Variants in ANLN observed in about 807,000 individuals in gnomAD.
ANLN encodes anillin, actin binding protein.
Under a neutral mutation model 135.1 loss-of-function variants are expected in ANLN, and 59 were observed. That is an observed-to-expected ratio of 0.44 (90% CI 0.35 to 0.54). ANLN has a LOEUF of 0.54. Ranked by LOEUF, ANLN falls within the 20% of genes least tolerant of loss-of-function variation. ANLN has a pLI of 0.00. For missense variants in ANLN, 1,182 were observed against 1,340.0 expected, an observed-to-expected ratio of 0.88 and a Z score of 1.84; for synonymous variants, 406 against 456.4, an observed-to-expected ratio of 0.89 and a Z score of 1.41.
intron 1 of ANLN, chr7:36,390,441 G>C (rs925337748): frequency 8.5e-5 from 20 of 236,498 alleles, no homozygotes; most frequent in Non-Finnish European, 1.5e-4. Context: ...GACTCAGTGC[G>C]GCTGCCGCCG....
intron 3 of ANLN, among the ~76,000 whole-genome samples, chr7:36,402,990 G>A (rs1047420607): frequency 1.3e-5 from 2 of 152,142 alleles, no homozygotes; most frequent in African/African-American, 4.8e-5. Flanking sequence ...TGTGGTGCAT[G>A]CCTGTAATCC....
chr7:36,418,467 A>C (rs1333968615), intron 9 of ANLN, among the ~76,000 whole-genome samples: 1 of 152,228 alleles, frequency 6.6e-6, no homozygotes, highest in Non-Finnish European at 1.5e-5. Flanking sequence ...TGAGCTAGGA[A>C]CTGTGGACGA....
intron 22 of ANLN, among the ~76,000 whole-genome samples, chr7:36,446,559 C>G (rs577135668): frequency 1.1e-4 from 17 of 152,280 alleles, no homozygotes; most frequent in African/African-American, 4.1e-4. Context: ...ATGGTAAAAG[C>G]AGGAGCGAGC....
chr7:36,421,149 C>T (rs7782071), intron 12 of ANLN, among the ~76,000 whole-genome samples: 19,134 of 151,662 alleles, frequency 0.13, 1,230 homozygotes, highest in East Asian at 0.17. Context: ...CTGACTGCAA[C>T]CTCTGCCTCC....
chr7:36,431,512 G>A (rs1049798149), intron 20 of ANLN, among the ~76,000 whole-genome samples: 44 of 146,230 alleles, frequency 3.0e-4, no homozygotes, highest in African/African-American at 1.0e-3. Context: ...TTAGATATCT[G>A]TCTATCTATC....
intron 13 of ANLN, among the ~76,000 whole-genome samples, chr7:36,422,393 G>T (rs549674291): frequency 6.6e-6 from 1 of 152,062 alleles, no homozygotes. Flanking sequence ...GGGCATTTTG[G>T]GGTGGACAGA....
intron 21 of ANLN, among the ~76,000 whole-genome samples, chr7:36,442,598 T>A (rs1464615200): frequency 6.6e-6 from 1 of 152,038 alleles, no homozygotes. Context: ...AGTTCCCAGA[T>A]GAATGTTGTT....
At chr7:36,428,403 T>C (rs896591119) in intron 20 of ANLN, 1 of 1,124,560 alleles carries the variant, frequency 8.9e-7, no homozygotes, top group African/African-American at 1.6e-5. Flanking sequence ...AGCTTAAAAA[T>C]CAATCCTTAA....
intron 1 of ANLN, among the ~76,000 whole-genome samples, chr7:36,395,877 A>G (rs2116504795): frequency 6.6e-6 from 1 of 152,180 alleles, no homozygotes; most frequent in African/African-American, 2.4e-5. Context: ...AGAGAGAGAG[A>G]GACCCCAAAC....
chr7:36,429,552 T>G (rs1246775950), intron 20 of ANLN, among the ~76,000 whole-genome samples: 1 of 152,236 alleles, frequency 6.6e-6, no homozygotes, highest in African/African-American at 2.4e-5. Context: ...AAAGGTCAGT[T>G]ACAAACATTC....
At chr7:36,419,523 A>G (rs369471042) in intron 10 of ANLN, 44 bp downstream of exon 10, 144 of 1,516,116 alleles carry the variant, frequency 9.5e-5, no homozygotes, top group Admixed American at 1.7e-4. Flanking sequence ...TAAGTAAACT[A>G]AGTAGTATTC....
In ANLN at chr7:36,407,794, C is replaced by A. The variant is rs367853729; in HGVS notation, c.934C>A (p.Gln312Lys). The A allele has an allele frequency of 4.3e-6, 7 of 1,613,818 alleles. No homozygotes were observed. In the East Asian group the frequency reaches 1.3e-4, roughly 31 times the overall value. Reference sequence around the variant, plus strand: ...CACTGATGCTAAAAGTTGTGAGGGACAAAATCCTGAGCTACTTCCAAAAAC... The same window carrying A: ...CACTGATGCTAAAAGTTGTGAGGGAAAAAATCCTGAGCTACTTCCAAAAAC... The part of the protein sequence containing the change: ...SITDAKSCEG[Q>K]NPELLPKTPI... Residue 312 changes from glutamine (Q) to lysine (K), a missense_variant, in exon 5 of 24, where the codon CAA becomes AAA. Transcript: ENST00000265748.
intron 20 of ANLN, among the ~76,000 whole-genome samples, chr7:36,438,383 T>A (rs118151159): frequency 0.011 from 1,630 of 152,304 alleles, 10 homozygotes; most frequent in Middle Eastern, 0.027. Context: ...TTTGATTTTG[T>A]TTCTTTGAGA....
chr7:36,404,339 A>G (rs1426891612), intron 3 of ANLN, among the ~76,000 whole-genome samples: 1 of 152,170 alleles, frequency 6.6e-6, no homozygotes, highest in Non-Finnish European at 1.5e-5. Context: ...CGCTGGGTAT[A>G]TGTTCCACGA....
At chr7:36,411,605 T>A (rs1787415721) in intron 7 of ANLN, among the ~76,000 whole-genome samples, 1 of 152,228 alleles carries the variant, frequency 6.6e-6, no homozygotes, top group African/African-American at 2.4e-5. Flanking sequence ...AGTTCATTAA[T>A]CAGCCTTCAA....
In ANLN at chr7:36,420,199, A is replaced by G. The variant is rs755268055; in HGVS notation, c.1900A>G (p.Lys634Glu). 3 of 1,614,032 alleles carry G rather than the reference A, an allele frequency of 1.9e-6. No homozygotes were observed. Among genetic ancestry groups the G allele is most frequent in the Non-Finnish European group, 2.5e-6 (3 of 1,179,962 alleles). Reference sequence around the variant, plus strand: ...AGTGTCCACACCTAGACTGGAATTGAAAGACACCAGCAGAAGTGATGAAAG... The same window carrying G: ...AGTGTCCACACCTAGACTGGAATTGGAAGACACCAGCAGAAGTGATGAAAG... ...SLVSTPRLEL[K>E]DTSRSDESPK... The change falls in exon 11 of 24, where the codon AAA (lysine) becomes GAA (glutamate). Residue 634 changes from lysine to glutamate, a missense_variant. Around this residue, in one of 3 missense-constraint regions of ANLN, gnomAD observed 1,022 missense variants for 1,134.0 expected, o/e 0.90. Coordinates refer to ENST00000265748, the MANE Select transcript of ANLN (RefSeq NM_018685.5).
intron 22 of ANLN, among the ~76,000 whole-genome samples, chr7:36,446,680 G>A (rs550923287): frequency 3.3e-5 from 5 of 152,256 alleles, no homozygotes; most frequent in South Asian, 2.1e-4. Context: ...TGAGAAATCC[G>A]CCTGCATGAT....
intron 7 of ANLN, among the ~76,000 whole-genome samples, chr7:36,413,478 TG>T (rs1017192267): frequency 1.3e-5 from 2 of 152,264 alleles, no homozygotes; most frequent in African/African-American, 4.8e-5. Context: ...CATATTCTCA[TG>T]GCTTTCTGCC....
chr7:36,416,960 G>T, intron 8 of ANLN, 120 bp from the exon 9 acceptor site: 1 of 567,968 alleles, frequency 1.8e-6, no homozygotes, highest in Non-Finnish European at 3.0e-6. Context: ...TCTGGGTTTG[G>T]ATATTTTAAA....
Sources: allele counts gnomAD v4.1 joint callset (sites outside exome capture counted in the v4.1 genomes callset), GRCh38; gene constraint gnomAD v4.1.1; regional missense constraint gnomAD v4.1.1; transcripts MANE v1.5; gene names NCBI Gene and HGNC (gene_info 2026-07-23, HGNC 2026-07-21).